Variants in MAP2K6 observed in about 807,000 individuals in gnomAD.
MAP2K6 encodes dual specificity mitogen-activated protein kinase kinase 6.
In MAP2K6, 16 loss-of-function variants were observed where a neutral mutation model predicts 53.7. That is an observed-to-expected ratio of 0.30 (90% confidence interval 0.20 to 0.45). The LOEUF is 0.45. MAP2K6 is among the 20% of genes least tolerant of loss of function. MAP2K6 has a pLI of 1.00. For synonymous variants in MAP2K6, 132 were observed against 143.1 expected (o/e 0.92, Z 0.55); for missense variants, 204 against 411.9 (o/e 0.50, Z 4.37).
At chr17:69,526,740 G>A (rs937260612) in intron 10 of MAP2K6, 31 bp downstream of exon 10, 2 of 1,602,616 alleles carry the variant, frequency 1.2e-6, no homozygotes, top group Non-Finnish European at 8.5e-7. Flanking sequence ...AAGTGTCAGT[G>A]TGAAAGAAGA....
intron 1 of MAP2K6, among the ~76,000 whole-genome samples, chr17:69,419,752 C>T (rs1567811770): frequency 6.6e-6 from 1 of 151,982 alleles, no homozygotes; most frequent in Non-Finnish European, 1.5e-5. Flanking sequence ...CATAGTGAAA[C>T]CCTGCCTCCA....
chr17:69,453,426 T>C (rs533291207), intron 1 of MAP2K6, among the ~76,000 whole-genome samples: 1 of 152,266 alleles, frequency 6.6e-6, no homozygotes, highest in South Asian at 2.1e-4. Flanking sequence ...TGCTGTTAGG[T>C]GTACTTGAAA....
chr17:69,502,153 C>T (rs1909202111), intron 1 of MAP2K6: 1 of 985,172 alleles, frequency 1.0e-6, no homozygotes, highest in African/African-American at 1.7e-5. Flanking sequence ...CCTGGGTGTC[C>T]ACATAGACCC....
At chr17:69,479,763 G>A (rs1908283443) in intron 1 of MAP2K6, among the ~76,000 whole-genome samples, 1 of 150,532 alleles carries the variant, frequency 6.6e-6, no homozygotes, top group Non-Finnish European at 1.5e-5. Context: ...TGTTGCTCAG[G>A]CTGGAGTGCA....
In MAP2K6 at chr17:69,536,966, C is replaced by T. The variant is rs1203814935; in HGVS notation, c.927+806C>T. Among the ~76,000 whole-genome samples, 7 of 152,190 alleles carry T rather than the reference C, an allele frequency of 4.6e-5. No homozygotes were observed. The East Asian group carries it at 1.4e-3, about 29-fold the overall frequency. ...GCATGGTGGCATTTGCCTGTAGCCC[C>T]AGCTACTCAGGAAGCCGAGGTGGCA... On this transcript the variant is annotated intron_variant, in intron 11 of 11. Coordinates refer to ENST00000590474, the MANE Select transcript of MAP2K6 (RefSeq NM_002758.4).
intron 1 of MAP2K6, among the ~76,000 whole-genome samples, chr17:69,496,801 C>G (rs1342102183): frequency 6.6e-6 from 1 of 151,992 alleles, no homozygotes; most frequent in African/African-American, 2.4e-5. Flanking sequence ...TTCTGCCATG[C>G]GTCCCGTCCC....
chr17:69,416,288 G>T (rs1412118229), intron 1 of MAP2K6, among the ~76,000 whole-genome samples: 1 of 152,024 alleles, frequency 6.6e-6, no homozygotes, highest in Non-Finnish European at 1.5e-5. Context: ...GTAATCTCAA[G>T]CATTCAAAGT....
At chr17:69,421,885 A>G (rs1361539740) in intron 1 of MAP2K6, among the ~76,000 whole-genome samples, 1 of 151,772 alleles carries the variant, frequency 6.6e-6, no homozygotes, top group Non-Finnish European at 1.5e-5. Context: ...CTAACAAAAC[A>G]GGGAACTTCG....
At chr17:69,463,019 C>T (rs559322951) in intron 1 of MAP2K6, among the ~76,000 whole-genome samples, 16 of 143,776 alleles carry the variant, frequency 1.1e-4, no homozygotes, top group South Asian at 2.2e-4. Context: ...TAAATCCATA[C>T]GGTCAGGATT....
intron 1 of MAP2K6, among the ~76,000 whole-genome samples, chr17:69,453,000 T>A (rs767224844): frequency 2.2e-4 from 33 of 152,234 alleles, no homozygotes; most frequent in Non-Finnish European, 4.4e-4. Flanking sequence ...CCAGGTGCTC[T>A]GTGATGTCCC....
chr17:69,487,336 C>A (rs1430638878), intron 1 of MAP2K6, among the ~76,000 whole-genome samples: 3 of 152,170 alleles, frequency 2.0e-5, no homozygotes, highest in Non-Finnish European at 2.9e-5. Flanking sequence ...GGAAGTAATA[C>A]CCCATGCAGC....
chr17:69,485,130 G>A (rs1908483712), intron 1 of MAP2K6: 1 of 152,150 alleles, frequency 6.6e-6, no homozygotes, highest in East Asian at 1.9e-4. Flanking sequence ...ATTTTAATAA[G>A]AGTCAGAGTG....
At chr17:69,512,596 C>T (rs553239270) in intron 2 of MAP2K6, among the ~76,000 whole-genome samples, 129 of 152,060 alleles carry the variant, frequency 8.5e-4, no homozygotes, top group African/African-American at 3.0e-3. Flanking sequence ...CTCAGCCTCC[C>T]GAAGTGTTGG....
At chr17:69,512,668 A>G (rs1050366148) in intron 2 of MAP2K6, among the ~76,000 whole-genome samples, 2 of 152,082 alleles carry the variant, frequency 1.3e-5, no homozygotes, top group African/African-American at 4.8e-5. Context: ...GTCACTTTCA[A>G]TATTAATTGT....
rs1908143047 is a variant in MAP2K6, at chr17:69,476,150, A to G, written c.17-29630A>G. On this transcript the variant is annotated intron_variant, in intron 1 of 11. Transcript: ENST00000590474. ...TTTATGTGCAGATGTATGTATGTGT[A>G]TATTTATAAATATGTGTGAAGACAT... Among the ~76,000 whole-genome samples, 4 of 152,192 alleles carry G rather than the reference A, an allele frequency of 2.6e-5. No homozygotes were observed. In the South Asian group the frequency reaches 8.3e-4, roughly 32 times the overall value.
intron 1 of MAP2K6, among the ~76,000 whole-genome samples, chr17:69,427,432 G>C (rs1906307931): frequency 6.6e-6 from 1 of 152,034 alleles, no homozygotes; most frequent in Non-Finnish European, 1.5e-5. Flanking sequence ...AAATAAAAAG[G>C]AAGATAAAAA....
chr17:69,488,747 C>A (rs538890140), intron 1 of MAP2K6, among the ~76,000 whole-genome samples: 18 of 152,062 alleles, frequency 1.2e-4, no homozygotes, highest in African/African-American at 3.6e-4. Flanking sequence ...CAACAATAGA[C>A]CCTGGAGACT....
In MAP2K6 at chr17:69,542,081, A is replaced by T. The variant is rs1273957781; in HGVS notation, c.*328A>T. On this transcript the variant is annotated 3_prime_UTR_variant, in exon 12 of 12. Coordinates refer to ENST00000590474, the MANE Select transcript of MAP2K6 (RefSeq NM_002758.4). Reference sequence around the variant, plus strand: ...AATGAATGCATTGGCCCTGACAAAAAGGTGCTACGGTAGTGATGAAATTAT... The same window carrying T: ...AATGAATGCATTGGCCCTGACAAAATGGTGCTACGGTAGTGATGAAATTAT... The T allele has an allele frequency of 6.3e-6, 1 of 158,678 alleles. No homozygotes were observed. The highest frequency in any genetic ancestry group is 2.4e-5 in the African/African-American group (1 of 41,644). The allele number at this position is 158,678 out of a possible 1,614,324, so 9.8% of individuals were successfully genotyped here.
At position 69,414,939 on chromosome 17, in the gene MAP2K6, G is replaced by A. The variant is rs1053278634; in HGVS notation, c.-46G>A. ...AAAACTAGCTACAGAAGAGAAGCAAGGCAAAGTCTTTTGTGCTCCCCTCCC... is the reference window on the plus strand; with the variant it reads ...AAAACTAGCTACAGAAGAGAAGCAAAGCAAAGTCTTTTGTGCTCCCCTCCC... On this transcript the variant is annotated 5_prime_UTR_variant, in exon 1 of 12. Coordinates refer to ENST00000590474, the MANE Select transcript of MAP2K6 (RefSeq NM_002758.4). 2.6e-6 allele frequency: 4 copies of A among 1,523,970 alleles called. No individual in the cohort carries two copies. In the African/African-American group the frequency reaches 5.5e-5, roughly 21 times the overall value. 94.4% of individuals were successfully genotyped at this position (1,523,970 alleles called of 1,614,324 possible).
Sources: gnomAD v4.1 joint callset for allele counts (sites outside exome capture counted in the v4.1 genomes callset) on GRCh38, gnomAD v4.1.1 for gene constraint, MANE v1.5 for transcripts, NCBI Gene and HGNC (gene_info 2026-07-23, HGNC 2026-07-21) for gene names.